The following SLC12A6 variants were observed in gnomAD, a reference collection of about 807,000 sequenced individuals.
SLC12A6 encodes the protein K-Cl cotransporter 3.
In SLC12A6, 66 loss-of-function variants were observed where a neutral mutation model predicts 135.3. That is an observed-to-expected ratio of 0.49 (90% CI 0.40 to 0.60). The LOEUF is 0.60. Ranked by LOEUF, SLC12A6 falls within the 20% of genes least tolerant of loss-of-function variation. SLC12A6 has a pLI of 0.00. For missense variants in SLC12A6, 1,058 were observed against 1,452.3 expected (o/e 0.73, Z 4.41); for synonymous variants, 513 against 508.8 (o/e 1.01, Z -0.11).
intron 2 of SLC12A6, among the ~76,000 whole-genome samples, chr15:34,315,194 G>T (rs1440021161): frequency 6.6e-6 from 1 of 152,184 alleles, no homozygotes; most frequent in Non-Finnish European, 1.5e-5. Flanking sequence ...AGTTCTGTGG[G>T]TAATATGCTA....
chr15:34,270,751 C>T (rs763414910), intron 3 of SLC12A6, among the ~76,000 whole-genome samples: 2 of 150,772 alleles, frequency 1.3e-5, no homozygotes, highest in African/African-American at 4.9e-5. Context: ...TGCAGTAAGC[C>T]GAGATCATGC....
chr15:34,260,475 G>T (rs1893043528), intron 4 of SLC12A6, among the ~76,000 whole-genome samples: 1 of 152,272 alleles, frequency 6.6e-6, no homozygotes, highest in Non-Finnish European at 1.5e-5. Context: ...AGCCAGGATG[G>T]TCTCGATCTC....
In SLC12A6 at chr15:34,250,348, G is replaced by A; in HGVS notation, c.1599C>T (p.Ser533=). 6.3e-7 allele frequency: 1 copy of A among 1,586,562 alleles called. No individual in the cohort carries two copies. The highest frequency in any genetic ancestry group is 8.7e-7 in the Non-Finnish European group (1 of 1,154,782). The part of the protein sequence containing the change: ...AILTTSFVYL[S]NVVLFGACIE... ...TACATGCACCAAAAAGGACAACATT[G>A]CTTAAATCTACCATATTGAGAGTCA... The change falls in exon 13 of 26, where the codon AGC becomes AGT. Residue 533 remains serine (S), a synonymous_variant. Coordinates refer to ENST00000354181, the MANE Select transcript of SLC12A6 (RefSeq NM_001365088.1).
At chr15:34,253,028 G>A (rs569635048) in intron 9 of SLC12A6, among the ~76,000 whole-genome samples, 2 of 152,192 alleles carry the variant, frequency 1.3e-5, no homozygotes, top group East Asian at 1.9e-4. Flanking sequence ...TGGGAGTGAC[G>A]GTAAGGATAA....
chr15:34,237,703 A>G (rs890687326), intron 21 of SLC12A6, among the ~76,000 whole-genome samples, 153 bp from the exon 22 acceptor site: 1 of 152,232 alleles, frequency 6.6e-6, no homozygotes, highest in African/African-American at 2.4e-5. Context: ...TTATTGTATT[A>G]GGGCAAAAGA....
In SLC12A6 at chr15:34,232,904, A is replaced by G. The variant is rs565275105; in HGVS notation, c.*977T>C. The G allele has an allele frequency of 7.9e-6, 1 of 126,906 alleles. No homozygotes were observed. The highest frequency in any genetic ancestry group is 2.6e-4 in the South Asian group (1 of 3,826). The allele number at this position is 126,906 out of a possible 1,614,324, so 7.9% of individuals were successfully genotyped here. A position where few individuals can be genotyped will look rare whatever the true frequency, so the allele number is the denominator to read the frequency against. ...GGAAGGATGTTTAGCCAGTTTTCCT[A>G]GTATTTGTTCCTTAAGATTTTTTGA... On this transcript the variant is annotated 3_prime_UTR_variant, in exon 26 of 26. Transcript: ENST00000354181.
chr15:34,244,340 GT>G (rs1891845523), intron 15 of SLC12A6, among the ~76,000 whole-genome samples: 1 of 152,130 alleles, frequency 6.6e-6, no homozygotes, highest in African/African-American at 2.4e-5. Flanking sequence ...CACTTACCAA[GT>G]CCTATGGATT....
rs778025984 is a variant in SLC12A6 at position 34,238,247 on chromosome 15, T to C, written c.2787A>G (p.Leu929=). ...DGGMLMLLPF[L]LKQHKVWRKC... ...TATAAAATACCTTGTGCTGTTTCAG[T>C]AGGAATGGTAGTAGCATAAGCATCC... Residue 929 remains leucine (L), a synonymous_variant, in exon 21 of 26, where the codon CTA becomes CTG. Transcript: ENST00000354181. 3.7e-6 allele frequency: 6 copies of C among 1,612,922 alleles called. No homozygotes were observed. The East Asian group carries it at 1.3e-4, about 36-fold the overall frequency.
rs1416140699 is a variant in SLC12A6 at position 34,233,406 on chromosome 15, C to T, written c.*475G>A. ...AAAAAATGTTTGCATCTTGGCTTGC[C>T]GAGGATAATAGGTCCAAATATACTT... On this transcript the variant is annotated 3_prime_UTR_variant, in exon 26 of 26. Transcript: ENST00000354181. 1 of 159,920 alleles carries T rather than the reference C, an allele frequency of 6.3e-6. No individual in the cohort carries two copies. Among genetic ancestry groups the T allele is most frequent in the Non-Finnish European group, 1.4e-5 (1 of 72,040 alleles). 9.9% of individuals were successfully genotyped at this position (159,920 alleles called of 1,614,324 possible).
At chr15:34,241,802 C>T (rs910284867) in intron 17 of SLC12A6, among the ~76,000 whole-genome samples, 1 of 152,138 alleles carries the variant, frequency 6.6e-6, no homozygotes, top group Non-Finnish European at 1.5e-5. Flanking sequence ...TCAGAGACAA[C>T]CCCTTGACTG....
Position 34,244,006 on chromosome 15 carries a change from G to T in SLC12A6, c.2010C>A (p.Pro670=). ...ACALQTLLRT[P]NWRPRFRYYH... is the part of the protein sequence containing the mutation. ...AGTAGCGGAATCGGGGTCTCCAGTTGGGTGTTCGAAGTAATGTTTGCAAGG... is the reference window on the plus strand; with the variant it reads ...AGTAGCGGAATCGGGGTCTCCAGTTTGGTGTTCGAAGTAATGTTTGCAAGG... Residue 670 remains proline (P), a synonymous_variant, in exon 16 of 26, where the codon CCC becomes CCA. Transcript: ENST00000354181. 1 of 1,607,188 alleles carries T rather than the reference G, an allele frequency of 6.2e-7. No homozygotes were observed. Among genetic ancestry groups the T allele is most frequent in the South Asian group, 1.1e-5 (1 of 90,974 alleles).
Position 34,336,606 on chromosome 15 carries a change from A to G in SLC12A6, c.75T>C (p.Ile25=). The change falls in exon 2 of 26, where the codon ATT becomes ATC. Residue 25 remains isoleucine, a synonymous_variant. Transcript: ENST00000354181. Reference sequence around the variant, plus strand: ...CCGGACTGGTGTCTGACAAACCTGGAATGTCATCGATCTTTGTCGGTGTCA... The same window carrying G: ...CCGGACTGGTGTCTGACAAACCTGGGATGTCATCGATCTTTGTCGGTGTCA... ...FMVTPTKIDD[I]PGLSDTSPDL... 1 of 1,613,446 alleles carries G rather than the reference A, an allele frequency of 6.2e-7. No individual in the cohort carries two copies. The highest frequency in any genetic ancestry group is 8.5e-7 in the Non-Finnish European group (1 of 1,179,516).
chr15:34,251,899 T>G (rs2140734072), intron 10 of SLC12A6, among the ~76,000 whole-genome samples: 1 of 152,330 alleles, frequency 6.6e-6, no homozygotes, highest in Non-Finnish European at 1.5e-5. Flanking sequence ...CACGGAATAT[T>G]TTACCGTAAG....
At chr15:34,235,445 T>C (rs959848594) in intron 24 of SLC12A6, 131 bp from the exon 25 acceptor site, 1 of 802,330 alleles carries the variant, frequency 1.2e-6, no homozygotes, top group Non-Finnish European at 2.0e-6. Flanking sequence ...TTTTTTTTTT[T>C]TTTTTTGAGA....
In SLC12A6 at chr15:34,250,956, C is replaced by A. The variant is rs1268125119; in HGVS notation, c.1435G>T (p.Val479Phe). Reference protein sequence around the residue: ...LGSLNHEYVLVDITTSFTLLV... With the variant: ...LGSLNHEYVLFDITTSFTLLV... Reference sequence around the variant, plus strand: ...AGCGTGAAGGAGGTGGTGATGTCAACAAGAACATATTCATGGTTTAAGCTG... The same window carrying A: ...AGCGTGAAGGAGGTGGTGATGTCAAAAAGAACATATTCATGGTTTAAGCTG... Residue 479 changes from valine (V) to phenylalanine (F), a missense_variant, in exon 11 of 26, where the codon GTT (valine) becomes TTT (phenylalanine). This residue lies in a region of SLC12A6 where 297 missense variants were observed against 318.5 expected (regional missense o/e 0.93). Coordinates refer to ENST00000354181, the MANE Select transcript of SLC12A6 (RefSeq NM_001365088.1). 5 of 1,612,312 alleles carry A rather than the reference C, an allele frequency of 3.1e-6. No individual in the cohort carries two copies.
chr15:34,249,992 C>T (rs541847409), intron 13 of SLC12A6, among the ~76,000 whole-genome samples: 114 of 152,284 alleles, frequency 7.5e-4, no homozygotes, highest in Non-Finnish European at 1.1e-3. Context: ...ACAGCTTTGA[C>T]TTCCCAGGCT....
chr15:34,267,262 A>G (rs940894433), intron 3 of SLC12A6, among the ~76,000 whole-genome samples: 5 of 151,874 alleles, frequency 3.3e-5, no homozygotes, highest in Non-Finnish European at 5.9e-5. Flanking sequence ...CTCCATAAAT[A>G]AGATATTAGA....
At chr15:34,305,983 G>A (rs1163027284) in intron 2 of SLC12A6, among the ~76,000 whole-genome samples, 1 of 151,682 alleles carries the variant, frequency 6.6e-6, no homozygotes, top group Non-Finnish European at 1.5e-5. Context: ...GGATGGTCTC[G>A]ATCTCCTGAC....
intron 2 of SLC12A6, among the ~76,000 whole-genome samples, chr15:34,310,414 AGTGTGT>A (rs146623414): frequency 5.2e-5 from 3 of 57,564 alleles, no homozygotes; most frequent in African/African-American, 1.6e-4. Context: ...CCTGGGCTCA[AGTGTGT>A]GTGTGTGTGT....
Sources: allele counts gnomAD v4.1 joint callset (sites outside exome capture counted in the v4.1 genomes callset), GRCh38; gene constraint gnomAD v4.1.1; regional missense constraint gnomAD v4.1.1; transcripts MANE v1.5; gene names NCBI Gene and HGNC (gene_info 2026-07-23, HGNC 2026-07-21).